Variants in HRH1 observed in about 807,000 individuals in gnomAD.
HRH1 encodes histamine receptor H1.
A neutral mutation model predicts 10.3 loss-of-function variants in HRH1; 6 were observed. That is an observed-to-expected ratio of 0.58 (90% CI 0.32 to 1.15). The LOEUF (loss-of-function observed/expected upper bound fraction) is 1.15. Ranked by LOEUF, HRH1 falls within the 50% of genes most tolerant of loss-of-function variation. The pLI is 0.05. For synonymous variants in HRH1, 242 were observed against 236.7 expected, an observed-to-expected ratio of 1.02 and a Z score of -0.21; for missense variants, 514 against 615.3, an observed-to-expected ratio of 0.84 and a Z score of 1.74.
intron 1 of HRH1, among the ~76,000 whole-genome samples, chr3:11,193,535 T>A (rs1182943539): frequency 1.3e-5 from 2 of 152,150 alleles, no homozygotes; most frequent in Non-Finnish European, 2.9e-5. Flanking sequence ...GGTCAGTTTT[T>A]GGTTCATAGA....
intron 1 of HRH1, among the ~76,000 whole-genome samples, chr3:11,240,216 A>G (rs1313511517): frequency 6.6e-6 from 1 of 152,144 alleles, no homozygotes; most frequent in Non-Finnish European, 1.5e-5. Flanking sequence ...AGCATTCTGC[A>G]TCCCCTATGA....
At chr3:11,195,968 G>A (rs998166609) in intron 1 of HRH1, among the ~76,000 whole-genome samples, 1 of 152,198 alleles carries the variant, frequency 6.6e-6, no homozygotes, top group Non-Finnish European at 1.5e-5. Context: ...ATGCCCCCCA[G>A]GAAGAGACTA....
At chr3:11,211,928 C>T (rs971846710) in intron 1 of HRH1, among the ~76,000 whole-genome samples, 2 of 152,140 alleles carry the variant, frequency 1.3e-5, no homozygotes, top group African/African-American at 2.4e-5. Flanking sequence ...GTGCAGTGTC[C>T]GGGCTTCCTC....
At chr3:11,207,271 C>G (rs347593) in intron 1 of HRH1, among the ~76,000 whole-genome samples, 132,791 of 152,074 alleles carry the variant, frequency 0.87, 58,424 homozygotes, top group East Asian at 1. Flanking sequence ...GTCCTAGAAA[C>G]AGGCTGACCT....
chr3:11,236,265 C>T (rs1439953308), intron 1 of HRH1, among the ~76,000 whole-genome samples: 3 of 152,162 alleles, frequency 2.0e-5, no homozygotes, highest in Non-Finnish European at 4.4e-5. Flanking sequence ...ACACTGTCTA[C>T]TAAATACGTA....
At chr3:11,253,476 C>G (rs1040004520) in intron 1 of HRH1, among the ~76,000 whole-genome samples, 1 of 152,176 alleles carries the variant, frequency 6.6e-6, no homozygotes, top group Admixed American at 6.5e-5. Flanking sequence ...CATTCCTTGT[C>G]CGAGGGGGTC....
At chr3:11,171,215 C>T (rs941055300) in intron 1 of HRH1, among the ~76,000 whole-genome samples, 4 of 150,620 alleles carry the variant, frequency 2.7e-5, no homozygotes, top group African/African-American at 7.4e-5. Flanking sequence ...TACCTGGGTT[C>T]GAGCAATTCT....
chr3:11,247,817 G>T (rs888493012), intron 1 of HRH1, among the ~76,000 whole-genome samples: 4 of 152,124 alleles, frequency 2.6e-5, no homozygotes, highest in Non-Finnish European at 5.9e-5. Flanking sequence ...GAATAAGGTG[G>T]GGGGGAACTA....
At chr3:11,154,361 G>A (rs1318937092), upstream of HRH1, among the ~76,000 whole-genome samples, 1 of 151,420 alleles carries the variant, frequency 6.6e-6, no homozygotes, top group Non-Finnish European at 1.5e-5. This position sits in a 1 kb window ranked among gnomAD's most constrained non-coding sequence, Gnocchi z 4.4. Flanking sequence ...AACCGGGTGC[G>A]GGGGCGCTGC....
chr3:11,192,707 C>A (rs1937568994), intron 1 of HRH1, among the ~76,000 whole-genome samples: 1 of 152,136 alleles, frequency 6.6e-6, no homozygotes, highest in Non-Finnish European at 1.5e-5. Flanking sequence ...ATAGCAAGAC[C>A]CTGTCTCTAA....
At chr3:11,183,420 G>A (rs556587669) in intron 1 of HRH1, among the ~76,000 whole-genome samples, 17 of 152,302 alleles carry the variant, frequency 1.1e-4, no homozygotes, top group African/African-American at 4.1e-4. Flanking sequence ...ACTCACAAAG[G>A]AGGGTGCTAC....
chr3:11,161,570 C>T lies in HRH1; in HGVS notation c.-36+7016C>T, dbSNP rs558467773. ...CCTTGGTGTCTGACTACTTGAGTGG[C>T]GGGGCCACCCTGATGAGCCTAACAT... On this transcript the variant is annotated intron_variant, in intron 1 of 1. Transcript: ENST00000431010. 2.6e-5 allele frequency among the ~76,000 whole-genome samples: 4 copies of T among 152,230 alleles called. No homozygotes were observed. The South Asian group carries it at 6.2e-4, about 24-fold the overall frequency.
chr3:11,260,170 G>A lies in HRH1; in HGVS notation c.1133G>A (p.Ser378Asn), dbSNP rs773238183. The A allele has an allele frequency of 3.1e-6, 5 of 1,614,084 alleles. No homozygotes were observed. Among genetic ancestry groups the A allele is most frequent in the Non-Finnish European group, 3.4e-6 (4 of 1,180,028 alleles). Reference protein sequence around the residue: ...ETAPGKGKLRSGSNTGLDYIK... With the variant: ...ETAPGKGKLRNGSNTGLDYIK... ...GCACCAGGCAAAGGCAAATTGAGGA[G>A]TGGGTCTAACACAGGCCTGGATTAC... Residue 378 changes from serine (S) to asparagine (N), a missense_variant, in exon 2 of 2, where the codon AGT becomes AAT. Physicochemically the swap from Ser to Asn is conservative, Grantham distance 46. Coordinates refer to ENST00000431010, the MANE Select transcript of HRH1 (RefSeq NM_001098212.2).
intron 1 of HRH1, among the ~76,000 whole-genome samples, chr3:11,252,426 G>GC (rs1408282666): frequency 6.6e-6 from 1 of 152,186 alleles, no homozygotes; most frequent in African/African-American, 2.4e-5. Flanking sequence ...GGGGACATAT[G>GC]CACGAGGGCA....
chr3:11,190,363 A>AT (rs1156702734), intron 1 of HRH1, among the ~76,000 whole-genome samples: 206 of 142,204 alleles, frequency 1.4e-3, no homozygotes, highest in Admixed American at 1.9e-3. Context: ...ATATATATAT[A>AT]TATTTTTTAA....
At chr3:11,155,448 C>T (rs113785987) in intron 1 of HRH1, among the ~76,000 whole-genome samples, 1 of 152,202 alleles carries the variant, frequency 6.6e-6, no homozygotes, top group Admixed American at 6.5e-5. Context: ...AAGGAAGTCA[C>T]GTCTCCTGCT....
At chr3:11,164,824 T>C (rs1936998162) in intron 1 of HRH1, among the ~76,000 whole-genome samples, 1 of 152,224 alleles carries the variant, frequency 6.6e-6, no homozygotes. Flanking sequence ...TTTTGAGCAG[T>C]GACCCGCCAA....
At chr3:11,206,019 C>T (rs998493678) in intron 1 of HRH1, among the ~76,000 whole-genome samples, 2 of 152,108 alleles carry the variant, frequency 1.3e-5, no homozygotes, top group African/African-American at 4.8e-5. Context: ...CTTCCCCAGG[C>T]CCTGGATGTC....
rs141610893 is a variant in HRH1, at chr3:11,225,872, G to A, written c.-35-33131G>A. ...ACCACAACCCAGCTTTATAAGGGTT[G>A]TAATTGAGGTCTGTGCAGAGTTCAG... On this transcript the variant is annotated intron_variant, in intron 1 of 1. Coordinates refer to ENST00000431010, the MANE Select transcript of HRH1 (RefSeq NM_001098212.2). Among the ~76,000 whole-genome samples, 277 of 152,322 alleles carry A rather than the reference G, an allele frequency of 1.8e-3. 2 individuals carry two copies. The highest frequency in any genetic ancestry group is 6.5e-3 in the African/African-American group (269 of 41,572).
Sources: gnomAD v4.1 joint callset for allele counts (sites outside exome capture counted in the v4.1 genomes callset) on GRCh38, gnomAD v4.1.1 for gene constraint, Gnocchi (gnomAD v3.1) non-coding constraint, MANE v1.5 for transcripts, NCBI Gene and HGNC (gene_info 2026-07-23, HGNC 2026-07-21) for gene names.